Variants in TMEM132D observed in about 807,000 individuals in gnomAD.
TMEM132D encodes transmembrane protein 132D, also known as mature OL transmembrane protein.
Under a neutral mutation model 62.3 loss-of-function variants are expected in TMEM132D, and 21 were observed. The observed-to-expected ratio is 0.34, with a 90% confidence interval of 0.24 to 0.49. The LOEUF is 0.49. TMEM132D is among the 20% of genes least tolerant of loss of function. The probability of loss-of-function intolerance (pLI) is 0.99; values close to 1 mark genes in which losing one functional copy is unlikely to be tolerated. For missense variants in TMEM132D, 1,346 were observed against 1,402.8 expected, an observed-to-expected ratio of 0.96 and a Z score of 0.65; for synonymous variants, 621 against 575.6, an observed-to-expected ratio of 1.08 and a Z score of -1.13.
At chr12:129,478,350 T>C (rs1874331444) in intron 3 of TMEM132D, among the ~76,000 whole-genome samples, 1 of 152,190 alleles carries the variant, frequency 6.6e-6, no homozygotes, top group African/African-American at 2.4e-5. Flanking sequence ...TGCTACAACA[T>C]TAAGATGACT....
At chr12:129,840,985 G>A (rs1873172891) in intron 1 of TMEM132D, among the ~76,000 whole-genome samples, 1 of 152,232 alleles carries the variant, frequency 6.6e-6, no homozygotes, top group Non-Finnish European at 1.5e-5. Flanking sequence ...TGAGTGTGCT[G>A]TTTGGTTACA....
At chr12:129,432,899 A>G (rs1408816486) in intron 3 of TMEM132D, among the ~76,000 whole-genome samples, 3 of 152,214 alleles carry the variant, frequency 2.0e-5, no homozygotes, top group Non-Finnish European at 4.4e-5. Flanking sequence ...ACTCTGCCAG[A>G]AACCCATGGC....
At chr12:129,288,213 G>C (rs78849293) in intron 4 of TMEM132D, among the ~76,000 whole-genome samples, 2,722 of 152,262 alleles carry the variant, frequency 0.018, 94 homozygotes, top group African/African-American at 0.063. Context: ...AAAAGCACAG[G>C]CAACAAAAGC....
Position 129,473,324 on chromosome 12 carries a change from G to GTTTTTTTTTTTTTTT in TMEM132D, c.1115+57720_1115+57734dup, listed in dbSNP as rs751523415. On this transcript the variant is annotated intron_variant, in intron 3 of 8. Coordinates refer to ENST00000422113, the MANE Select transcript of TMEM132D (RefSeq NM_133448.3). ...TGGCAATAAAGTGATTTTAGTTTTTGTTTTTTTTTTTTTTTTTTTTTTGAG... is the reference window on the plus strand; with the variant it reads ...TGGCAATAAAGTGATTTTAGTTTTTGTTTTTTTTTTTTTTTTTTTTTTTTTTTTTTTTTTTTTGAG... Among the ~76,000 whole-genome samples, 8 of 81,548 alleles carry GTTTTTTTTTTTTTTT rather than the reference G, an allele frequency of 9.8e-5. 1 individual carries two copies. The highest frequency in any genetic ancestry group is 1.7e-4 in the Non-Finnish European group (8 of 46,164). 53.5% of individuals were successfully genotyped at this position (81,548 alleles called of 152,430 possible).
At chr12:129,152,975 G>A (rs1305044911) in intron 5 of TMEM132D, among the ~76,000 whole-genome samples, 2 of 152,016 alleles carry the variant, frequency 1.3e-5, no homozygotes, top group East Asian at 3.9e-4. Flanking sequence ...GCTCCCACCC[G>A]GCACTTCCTG....
chr12:129,337,737 A>G lies in TMEM132D; in HGVS notation c.1196T>C (p.Val399Ala). The part of the protein sequence containing the change: ...EPGDLPATQL[V>A]TWQVEYPGEI... ...TCCGGGGTACTCGACCTGCCACGTG[A>G]CCAGCTGTGTGGCTGGCAGGTCACC... The change falls in exon 4 of 9, where the codon GTC becomes GCC. Residue 399 changes from valine (V) to alanine (A), a missense_variant. Val to Ala is a moderately conservative substitution (Grantham distance 64). Transcript: ENST00000422113. 6.2e-7 allele frequency: 1 copy of G among 1,614,188 alleles called. No individual in the cohort carries two copies. The highest frequency in any genetic ancestry group is 8.5e-7 in the Non-Finnish European group (1 of 1,180,026).
chr12:129,285,761 T>C (rs796251494), intron 4 of TMEM132D, among the ~76,000 whole-genome samples: 9 of 151,044 alleles, frequency 6.0e-5, no homozygotes, highest in African/African-American at 2.2e-4. Context: ...GAAAAGTAAC[T>C]TTTTTTTTCT....
chr12:129,510,681 T>G (rs1875470562), intron 3 of TMEM132D, among the ~76,000 whole-genome samples: 1 of 152,188 alleles, frequency 6.6e-6, no homozygotes, highest in East Asian at 1.9e-4. Flanking sequence ...CTTCTGCACA[T>G]GGATAATCAG....
At chr12:129,165,003 A>G (rs1877503406) in intron 5 of TMEM132D, among the ~76,000 whole-genome samples, 1 of 152,362 alleles carries the variant, frequency 6.6e-6, no homozygotes, top group East Asian at 1.9e-4. Flanking sequence ...AAAATAGATA[A>G]TGGTATATTC....
chr12:129,078,805 T>C (rs1874360066), intron 7 of TMEM132D, 80 bp from the exon 8 acceptor site: 1 of 1,486,600 alleles, frequency 6.7e-7, no homozygotes. Flanking sequence ...GAAGTGCCAG[T>C]GTGCAGGCAG....
chr12:129,270,622 A>C (rs924980551), intron 4 of TMEM132D, among the ~76,000 whole-genome samples: 24 of 152,302 alleles, frequency 1.6e-4, no homozygotes, highest in African/African-American at 4.6e-4. Context: ...AGTGCATTAC[A>C]TCCTTACAGT....
chr12:129,609,006 T>C (rs1318712793), intron 2 of TMEM132D, among the ~76,000 whole-genome samples: 2 of 151,350 alleles, frequency 1.3e-5, no homozygotes, highest in African/African-American at 4.9e-5. Flanking sequence ...AGTGGCGTGA[T>C]CTTGGCCCAC....
At chr12:129,788,772 A>G (rs1464907544) in intron 1 of TMEM132D, among the ~76,000 whole-genome samples, 2 of 152,138 alleles carry the variant, frequency 1.3e-5, no homozygotes, top group African/African-American at 4.8e-5. Flanking sequence ...TCGGGGAGTC[A>G]AGACTCTTTC....
intron 5 of TMEM132D, among the ~76,000 whole-genome samples, chr12:129,112,303 G>T (rs1047139752): frequency 1.3e-5 from 2 of 152,170 alleles, no homozygotes; most frequent in East Asian, 3.9e-4. Flanking sequence ...AGGAACCAGG[G>T]TTTACACCCG....
chr12:129,196,907 T>C (rs1878565313), intron 5 of TMEM132D, among the ~76,000 whole-genome samples: 1 of 152,166 alleles, frequency 6.6e-6, no homozygotes, highest in East Asian at 1.9e-4. Flanking sequence ...GTTGGAAGAA[T>C]TGCATGCATC....
At chr12:129,207,327 C>T (rs538426770) in intron 5 of TMEM132D, among the ~76,000 whole-genome samples, 2 of 151,898 alleles carry the variant, frequency 1.3e-5, no homozygotes, top group Admixed American at 6.6e-5. Context: ...CCTCACAGAG[C>T]TTAGGTTCCA....
chr12:129,236,570 G>A (rs527833790), intron 4 of TMEM132D, among the ~76,000 whole-genome samples: 1 of 149,358 alleles, frequency 6.7e-6, no homozygotes, highest in South Asian at 2.1e-4. Flanking sequence ...GCTTTTGTAT[G>A]TTAATTTTGT....
chr12:129,471,527 C>A (rs562033929), intron 3 of TMEM132D, among the ~76,000 whole-genome samples: 1 of 152,304 alleles, frequency 6.6e-6, no homozygotes, highest in South Asian at 2.1e-4. Context: ...CTTCCTATTT[C>A]TGACAAACGA....
chr12:129,491,050 GTCCCAAC>G (rs1488060213), intron 3 of TMEM132D, among the ~76,000 whole-genome samples: 1 of 152,082 alleles, frequency 6.6e-6, no homozygotes, highest in Non-Finnish European at 1.5e-5. Flanking sequence ...AAAATATGGG[GTCCCAAC>G]TCTAAAAGTA....
Sources: gnomAD v4.1 joint callset for allele counts (sites outside exome capture counted in the v4.1 genomes callset) on GRCh38, gnomAD v4.1.1 for gene constraint, MANE v1.5 for transcripts, NCBI Gene and HGNC (gene_info 2026-07-23, HGNC 2026-07-21) for gene names.